The following GFUS variants were observed in gnomAD, a reference collection of about 807,000 sequenced individuals.
GFUS encodes the protein GDP-L-fucose synthase.
GFUS carries 42 observed loss-of-function variants against 41.5 expected under a neutral mutation model. That is an observed-to-expected ratio of 1.01 (90% CI 0.79 to 1.31). The LOEUF is 1.31. GFUS is among the 50% of genes most tolerant of loss of function. The probability of loss-of-function intolerance (pLI) is 0.00; values close to 1 mark genes in which losing one functional copy is unlikely to be tolerated. For synonymous variants in GFUS, 188 were observed against 173.4 expected (o/e 1.08, Z -0.66); for missense variants, 437 against 428.7 (o/e 1.02, Z -0.17).
rs2978 is a variant in GFUS at position 143,612,720 on chromosome 8, G to T, written c.*190C>A. On this transcript the variant is annotated 3_prime_UTR_variant, in exon 11 of 11. Transcript: ENST00000425753. Reference sequence around the variant, plus strand: ...GGGGAGCAAAGCGCCGGGCCTGCCCGGGACCCTGGTTTCCCTGAGGACCAA... The same window carrying T: ...GGGGAGCAAAGCGCCGGGCCTGCCCTGGACCCTGGTTTCCCTGAGGACCAA... 2.9e-6 allele frequency: 2 copies of T among 683,802 alleles called. No homozygotes were observed. Among genetic ancestry groups the T allele is most frequent in the Non-Finnish European group, 5.0e-6 (2 of 402,798 alleles). 42.4% of individuals were successfully genotyped at this position (683,802 alleles called of 1,614,324 possible). A position where few individuals can be genotyped will look rare whatever the true frequency, so the allele number is the denominator to read the frequency against.
intron 7 of GFUS, 129 bp downstream of exon 7, chr8:143,614,035 G>C (rs895244177): frequency 3.0e-6 from 4 of 1,350,802 alleles, no homozygotes; most frequent in Non-Finnish European, 3.0e-6. Flanking sequence ...GCTCCTCTTG[G>C]AGCTCAGCCC....
At chr8:143,614,956 A>G (rs1829688528) in intron 3 of GFUS, 41 bp from the exon 4 acceptor site, 1 of 1,564,550 alleles carries the variant, frequency 6.4e-7, no homozygotes, top group South Asian at 1.2e-5. Flanking sequence ...TCCCCAGGCC[A>G]GATCCCAGCC....
At chr8:143,616,848 A>G (rs1354150507) in intron 1 of GFUS, 125 bp from the exon 2 acceptor site, 6 of 1,200,598 alleles carry the variant, frequency 5.0e-6, no homozygotes, top group Non-Finnish European at 1.2e-6. Context: ...GCAACCAGAA[A>G]GACCCAGCTG....
chr8:143,614,984 A>T (rs1829689282), intron 3 of GFUS, 69 bp from the exon 4 acceptor site: 2 of 1,538,776 alleles, frequency 1.3e-6, no homozygotes, highest in African/African-American at 1.4e-5. Context: ...GCTCCTCCAG[A>T]CGCAGAAGTG....
In GFUS at chr8:143,614,117, TC is replaced by T. The variant is rs753058643; in HGVS notation, c.663+46del. The T allele has an allele frequency of 1.2e-5, 20 of 1,607,630 alleles. No individual in the cohort carries two copies. The East Asian group carries it at 4.5e-4, about 36-fold the overall frequency. On this transcript the variant is annotated intron_variant, in intron 7 of 10. Transcript: ENST00000425753. ...AGCCCAGCAGGGGCCAGCCCAGGGCTCAATAGGGCAGGTTCTCTGGGGAGAG... is the reference window on the plus strand; with the variant it reads ...AGCCCAGCAGGGGCCAGCCCAGGGCTAATAGGGCAGGTTCTCTGGGGAGAG...
chr8:143,615,912 C>T, intron 3 of GFUS, 194 bp downstream of exon 3: 1 of 498,674 alleles, frequency 2.0e-6, no homozygotes, highest in Non-Finnish European at 3.5e-6. Context: ...CCCTGCATGG[C>T]CCTCTGTCCA....
chr8:143,617,028 G>A (rs896925431), intron 1 of GFUS: 4 of 379,880 alleles, frequency 1.1e-5, no homozygotes, highest in African/African-American at 8.0e-5. Flanking sequence ...AAGAGGGGAG[G>A]CAGACAACCT....
chr8:143,613,705 T>C (rs1388318335), intron 8 of GFUS, 46 bp downstream of exon 8: 1 of 1,557,950 alleles, frequency 6.4e-7, no homozygotes. Flanking sequence ...CAACCTTGGA[T>C]CCTGTCCTAC....
At chr8:143,616,784 C>A (rs1261646327) in intron 1 of GFUS, 61 bp from the exon 2 acceptor site, 1 of 1,597,276 alleles carries the variant, frequency 6.3e-7, no homozygotes, top group Non-Finnish European at 8.6e-7. Flanking sequence ...GAGCCCCACT[C>A]TTCTGTGGCA....
chr8:143,613,359 T>G lies in GFUS; in HGVS notation c.811-64A>C, dbSNP rs1488572865. 1.9e-6 allele frequency: 3 copies of G among 1,552,664 alleles called. No homozygotes were observed. The African/African-American group carries it at 4.1e-5, about 21-fold the overall frequency. ...CCACCCCAGCCCCCGCAGCTTGCCC[T>G]TGAACCTCTGCCATTCCCAGGGGAG... is the stretch of plus-strand genomic sequence containing the variant. On this transcript the variant is annotated intron_variant, in intron 9 of 10. Transcript: ENST00000425753.
rs929391106 is a variant in GFUS at position 143,614,571 on chromosome 8, G to A, written c.464+53C>T. On this transcript the variant is annotated intron_variant, in intron 5 of 10. Coordinates refer to ENST00000425753, the MANE Select transcript of GFUS (RefSeq NM_003313.4). ...CGACCAGCCGGCCCCACCCGCCCCT[G>A]GGGGCCCTCTCCCCGACTCCTGGCT... is the stretch of plus-strand genomic sequence containing the variant. 3.7e-5 allele frequency: 57 copies of A among 1,559,188 alleles called. No individual in the cohort carries two copies. In the African/African-American group the frequency reaches 7.7e-4, roughly 21 times the overall value.
At chr8:143,615,035 C>G in intron 3 of GFUS, 120 bp from the exon 4 acceptor site, 2 of 1,444,408 alleles carry the variant, frequency 1.4e-6, no homozygotes, top group Non-Finnish European at 1.8e-6. Flanking sequence ...GGACCCAAGC[C>G]TGCCCATCCT....
rs1378393688 is a variant in GFUS, at chr8:143,617,534, GC to G, written c.-73del. 4.6e-5 allele frequency: 7 copies of G among 152,270 alleles called. No homozygotes were observed. The highest frequency in any genetic ancestry group is 1.7e-4 in the African/African-American group (7 of 41,464). 9.4% of individuals were successfully genotyped at this position (152,270 alleles called of 1,614,324 possible). Reference sequence around the variant, plus strand: ...GCTTCCGGCCGGGTGCGCTCCGGCTGCCCGCGGAGCCAGGTGGGGGGCGGGG... The same window carrying G: ...GCTTCCGGCCGGGTGCGCTCCGGCTGCCGCGGAGCCAGGTGGGGGGCGGGG... On this transcript the variant is annotated 5_prime_UTR_variant, in exon 1 of 11. Coordinates refer to ENST00000425753, the MANE Select transcript of GFUS (RefSeq NM_003313.4).
intron 1 of GFUS, chr8:143,617,022 G>C (rs1303836730): frequency 7.3e-6 from 3 of 409,352 alleles, no homozygotes; most frequent in African/African-American, 2.0e-5. Context: ...ACTGACAAGA[G>C]GGGAGGCAGA....
chr8:143,614,791 G>C lies in GFUS; in HGVS notation c.386C>G (p.Thr129Ser). ...CAGCCAGGCCCTGCCCCTCACCATG[G>C]TCTCATCTATCGGGTAGGTCGTCTT... ...PDKTTYPIDE[T>S]MIHNGPPHNS... The change falls in exon 4 of 11, where the codon ACC becomes AGC. Residue 129 changes from threonine to serine, a missense_variant. Physicochemically the swap from Thr to Ser is moderately conservative, Grantham distance 58 (BLOSUM62 1). Transcript: ENST00000425753. 6.2e-7 allele frequency: 1 copy of C among 1,613,668 alleles called. No individual in the cohort carries two copies. The highest frequency in any genetic ancestry group is 8.5e-7 in the Non-Finnish European group (1 of 1,180,008).
Position 143,614,359 on chromosome 8 carries a change from C to A in GFUS, c.559G>T (p.Val187Leu). ...HDNFNIEDGH[V>L]LPGLIHKVHL... ...ACCTTGTGGATGAGGCCAGGCAGCA[C>A]GTGGCCATCCTCGATGTTGAAGTTG... The change falls in exon 6 of 11, where the codon GTG becomes TTG. Residue 187 changes from valine to leucine, a missense_variant. By Grantham distance (32) the Val-to-Leu change is conservative. Coordinates refer to ENST00000425753, the MANE Select transcript of GFUS (RefSeq NM_003313.4). The A allele has an allele frequency of 1.2e-6, 2 of 1,613,880 alleles. No individual in the cohort carries two copies. Among genetic ancestry groups the A allele is most frequent in the Non-Finnish European group, 1.7e-6 (2 of 1,179,966 alleles).
At chr8:143,613,082 C>T (rs1829617044) in intron 10 of GFUS, 114 bp downstream of exon 10, 1 of 1,546,144 alleles carries the variant, frequency 6.5e-7, no homozygotes, top group Non-Finnish European at 8.9e-7. Flanking sequence ...GGTGTCCCAC[C>T]TCCAGGGCAG....
chr8:143,614,955 C>G (rs1220845974), intron 3 of GFUS, 40 bp from the exon 4 acceptor site: 3 of 1,565,018 alleles, frequency 1.9e-6, no homozygotes, highest in Non-Finnish European at 2.6e-6. Flanking sequence ...CTCCCCAGGC[C>G]AGATCCCAGC....
At chr8:143,614,058 G>A in intron 7 of GFUS, 106 bp downstream of exon 7, 2 of 1,464,600 alleles carry the variant, frequency 1.4e-6, no homozygotes, top group Non-Finnish European at 1.9e-6. Context: ...ATTCTCTGCT[G>A]GTAGGAGCCT....
Sources: gnomAD v4.1 joint callset for allele counts on GRCh38, gnomAD v4.1.1 for gene constraint, MANE v1.5 for transcripts, NCBI Gene and HGNC (gene_info 2026-07-23, HGNC 2026-07-21) for gene names.